NDUFAF2: variants seen among roughly 807,000 people sequenced by gnomAD.
NDUFAF2 encodes the protein NADH:ubiquinone oxidoreductase complex assembly factor 2.
Under a neutral mutation model 22.8 loss-of-function variants are expected in NDUFAF2, and 13 were observed. The observed-to-expected ratio is 0.57, with a 90% confidence interval of 0.37 to 0.91. The LOEUF is 0.91. NDUFAF2 is among the 40% of genes least tolerant of loss of function. The pLI is 0.01. For missense variants in NDUFAF2, 162 were observed against 195.2 expected, an observed-to-expected ratio of 0.83 and a Z score of 1.01; for synonymous variants, 53 against 64.2, an observed-to-expected ratio of 0.83 and a Z score of 0.84.
chr5:60,951,308 G>C (rs1750544926), intron 1 of NDUFAF2, among the ~76,000 whole-genome samples: 1 of 152,184 alleles, frequency 6.6e-6, no homozygotes, highest in Non-Finnish European at 1.5e-5. Context: ...TGGGATTACA[G>C]GAGTAAACCA....
In NDUFAF2 at chr5:61,133,044, G is replaced by C. The variant is rs533845721; in HGVS notation, c.259-19660G>C. Among the ~76,000 whole-genome samples the C allele has an allele frequency of 1.1e-4, 17 of 152,248 alleles. No homozygotes were observed. The South Asian group carries it at 3.3e-3, about 30-fold the overall frequency. On this transcript the variant is annotated intron_variant, in intron 3 of 3. Coordinates refer to ENST00000296597, the MANE Select transcript of NDUFAF2 (RefSeq NM_174889.5). Reference sequence around the variant, plus strand: ...TTAAGTAAGGGGCACTTGCCTATCTGCCTTCCCACAGTATCCTTGCCTCTT... The same window carrying C: ...TTAAGTAAGGGGCACTTGCCTATCTCCCTTCCCACAGTATCCTTGCCTCTT...
At chr5:61,014,499 A>G (rs1421220595) in intron 1 of NDUFAF2, among the ~76,000 whole-genome samples, 1 of 152,160 alleles carries the variant, frequency 6.6e-6, no homozygotes, top group Non-Finnish European at 1.5e-5. Context: ...GTGCTAGGAA[A>G]TTATCAGACT....
intron 1 of NDUFAF2, among the ~76,000 whole-genome samples, chr5:61,000,348 C>T (rs1751280583): frequency 6.6e-6 from 1 of 152,106 alleles, no homozygotes; most frequent in Non-Finnish European, 1.5e-5. Flanking sequence ...GTAAAACCAG[C>T]CCCCATCAGA....
intron 3 of NDUFAF2, among the ~76,000 whole-genome samples, chr5:61,100,537 AC>A (rs2059466504): frequency 1.1e-3 from 2 of 1,842 alleles, no homozygotes; most frequent in African/African-American, 4.1e-3. Context: ...CCTCCCTAAT[AC>A]ACACACACAC....
At chr5:61,033,351 C>T (rs929238666) in intron 1 of NDUFAF2, among the ~76,000 whole-genome samples, 2 of 152,030 alleles carry the variant, frequency 1.3e-5, no homozygotes, top group African/African-American at 2.4e-5. Flanking sequence ...TTTTTTATGC[C>T]ATCTATGTAT....
intron 1 of NDUFAF2, among the ~76,000 whole-genome samples, chr5:61,031,936 T>G (rs1046136979): frequency 6.6e-6 from 1 of 152,230 alleles, no homozygotes; most frequent in Middle Eastern, 3.2e-3. Context: ...CATGAGATGG[T>G]ATCTCATTGT....
intron 2 of NDUFAF2, among the ~76,000 whole-genome samples, chr5:61,086,837 G>A (rs2111749946): frequency 6.6e-6 from 1 of 152,132 alleles, no homozygotes; most frequent in East Asian, 1.9e-4. Flanking sequence ...GAAAATACAA[G>A]CCATAGACAG....
At chr5:61,007,441 A>T (rs969701213) in intron 1 of NDUFAF2, among the ~76,000 whole-genome samples, 1 of 152,040 alleles carries the variant, frequency 6.6e-6, no homozygotes, top group African/African-American at 2.4e-5. Context: ...ATGTGGCGTT[A>T]TTTCTCAGGG....
chr5:60,961,192 G>C (rs1289811611), intron 1 of NDUFAF2, among the ~76,000 whole-genome samples: 1 of 152,150 alleles, frequency 6.6e-6, no homozygotes, highest in Non-Finnish European at 1.5e-5. Context: ...AGGCATGGTG[G>C]TTCACGCCTG....
intron 1 of NDUFAF2, among the ~76,000 whole-genome samples, chr5:61,007,884 A>G (rs1437728006): frequency 1.3e-5 from 2 of 152,000 alleles, no homozygotes; most frequent in Non-Finnish European, 2.9e-5. Context: ...TCACAATAGC[A>G]AAGAGTTGGA....
At chr5:61,132,249 G>A (rs1454865621) in intron 3 of NDUFAF2, among the ~76,000 whole-genome samples, 1 of 152,158 alleles carries the variant, frequency 6.6e-6, no homozygotes, top group African/African-American at 2.4e-5. Context: ...ACAGTACCTG[G>A]CTCAGAGTTC....
chr5:60,946,567 T>A (rs533971771), intron 1 of NDUFAF2, among the ~76,000 whole-genome samples: 20 of 152,346 alleles, frequency 1.3e-4, no homozygotes, highest in Admixed American at 5.2e-4. Context: ...AAGTATTTCT[T>A]GACAGGTTGC....
chr5:61,098,608 A>G (rs1752671704), intron 2 of NDUFAF2, among the ~76,000 whole-genome samples: 1 of 152,240 alleles, frequency 6.6e-6, no homozygotes, highest in African/African-American at 2.4e-5. Flanking sequence ...TCAAATTTCC[A>G]GAATAATATA....
chr5:60,992,483 T>C (rs1446923171), intron 1 of NDUFAF2, among the ~76,000 whole-genome samples: 1 of 152,224 alleles, frequency 6.6e-6, no homozygotes, highest in Non-Finnish European at 1.5e-5. Flanking sequence ...GATTTTTATA[T>C]ATGGTGAGAC....
chr5:61,058,216 T>TA (rs1752123227), intron 1 of NDUFAF2, among the ~76,000 whole-genome samples: 1 of 152,106 alleles, frequency 6.6e-6, no homozygotes, highest in Non-Finnish European at 1.5e-5. Flanking sequence ...GCTTTTCACA[T>TA]ACTATAATTT....
At chr5:61,136,769 C>G (rs1300669186) in intron 3 of NDUFAF2, among the ~76,000 whole-genome samples, 1 of 152,170 alleles carries the variant, frequency 6.6e-6, no homozygotes, top group Non-Finnish European at 1.5e-5. Flanking sequence ...GCCAGCAGCC[C>G]TCTGAGAGAC....
intron 3 of NDUFAF2, among the ~76,000 whole-genome samples, chr5:61,105,286 G>A (rs1361173636): frequency 6.6e-6 from 1 of 151,022 alleles, no homozygotes; most frequent in Non-Finnish European, 1.5e-5. Context: ...TAAATAACTG[G>A]CATTCATTGA....
chr5:61,056,590 A>T (rs1752094066), intron 1 of NDUFAF2, among the ~76,000 whole-genome samples: 1 of 151,998 alleles, frequency 6.6e-6, no homozygotes, highest in Non-Finnish European at 1.5e-5. Context: ...GAATGACTAA[A>T]ATCATATGAT....
intron 3 of NDUFAF2, among the ~76,000 whole-genome samples, chr5:61,135,561 C>T (rs1740913145): frequency 6.6e-6 from 1 of 151,986 alleles, no homozygotes; most frequent in South Asian, 2.1e-4. Context: ...ATCAGAATCA[C>T]CTAGTAACTT....
Sources: gnomAD v4.1 joint callset for allele counts (sites outside exome capture counted in the v4.1 genomes callset) on GRCh38, gnomAD v4.1.1 for gene constraint, MANE v1.5 for transcripts, NCBI Gene and HGNC (gene_info 2026-07-23, HGNC 2026-07-21) for gene names.